SYT10: variants seen among roughly 807,000 people sequenced by gnomAD.
The protein encoded by SYT10 is synaptotagmin-10.
In SYT10, 31 loss-of-function variants were observed where a neutral mutation model predicts 51.1. That is an observed-to-expected ratio of 0.61 (90% CI 0.46 to 0.82). The LOEUF (loss-of-function observed/expected upper bound fraction) is 0.82. Among genes scored for constraint, SYT10 ranks in the 40% least tolerant of loss-of-function variants. The probability of loss-of-function intolerance (pLI) is 0.00; values close to 1 mark genes in which losing one functional copy is unlikely to be tolerated. For missense variants in SYT10, 603 were observed against 634.0 expected (o/e 0.95, Z 0.53); for synonymous variants, 233 against 225.9 (o/e 1.03, Z -0.28).
intron 1 of SYT10, 104 bp downstream of exon 1, chr12:33,439,268 T>C: frequency 1.4e-6 from 2 of 1,430,518 alleles, no homozygotes; most frequent in Non-Finnish European, 1.9e-6. Flanking sequence ...GCGCCCCAAA[T>C]ATGCCGCGGG....
intron 3 of SYT10, among the ~76,000 whole-genome samples, chr12:33,398,304 G>T (rs1314858501): frequency 2.6e-5 from 4 of 152,044 alleles, no homozygotes; most frequent in African/African-American, 9.7e-5. Flanking sequence ...ATGAGGTCAG[G>T]AGATCGAGAC....
intron 6 of SYT10, among the ~76,000 whole-genome samples, chr12:33,377,216 G>C (rs185947167): frequency 1.5e-3 from 235 of 151,988 alleles, no homozygotes; most frequent in African/African-American, 5.5e-3. Flanking sequence ...AAAATAAATG[G>C]TTTACTTTAG....
At chr12:33,405,173 A>C (rs986911945) in intron 3 of SYT10, 2 of 152,196 alleles carry the variant, frequency 1.3e-5, no homozygotes, top group Non-Finnish European at 2.9e-5. Flanking sequence ...AGCATGCCAA[A>C]CATATATAGG....
rs1866186575 is a variant in SYT10, at chr12:33,389,536, TA to T, written c.1078-4246del. Among the ~76,000 whole-genome samples the T allele has an allele frequency of 2.0e-5, 3 of 152,098 alleles. No individual in the cohort carries two copies. In the South Asian group the frequency reaches 6.2e-4, roughly 32 times the overall value. On this transcript the variant is annotated intron_variant, in intron 3 of 6. Coordinates refer to ENST00000228567, the MANE Select transcript of SYT10 (RefSeq NM_198992.4). Reference sequence around the variant, plus strand: ...GGCTAGATTAGGATGAAAAAAGACATAAGAGAAAGAGGCCATTGAAGTAAAG... The same window carrying T: ...GGCTAGATTAGGATGAAAAAAGACATAGAGAAAGAGGCCATTGAAGTAAAG...
At chr12:33,412,783 C>T (rs1162338568) in intron 2 of SYT10, among the ~76,000 whole-genome samples, 13 of 152,234 alleles carry the variant, frequency 8.5e-5, no homozygotes, top group South Asian at 4.2e-4. Flanking sequence ...GCACCTCTCC[C>T]GCTCCAAAGG....
At chr12:33,433,032 CTT>C (rs1274210754) in intron 1 of SYT10, among the ~76,000 whole-genome samples, 5 of 152,028 alleles carry the variant, frequency 3.3e-5, no homozygotes, top group African/African-American at 1.2e-4. Context: ...GCTCTTATAG[CTT>C]CAGTGACTAC....
chr12:33,400,353 A>G (rs1281379128), intron 3 of SYT10, among the ~76,000 whole-genome samples: 5 of 152,222 alleles, frequency 3.3e-5, no homozygotes, highest in Admixed American at 1.3e-4. Context: ...TGTTATTTCA[A>G]ACTGAAGCTC....
intron 3 of SYT10, chr12:33,405,248 A>G (rs1332894265): frequency 1.3e-5 from 2 of 152,146 alleles, no homozygotes; most frequent in African/African-American, 4.8e-5. Flanking sequence ...ATAATCTAAC[A>G]ATTAATTGCC....
chr12:33,416,372 C>T (rs979381056), intron 2 of SYT10, among the ~76,000 whole-genome samples: 1 of 152,102 alleles, frequency 6.6e-6, no homozygotes, highest in African/African-American at 2.4e-5. Context: ...TGTGAGCCAC[C>T]ACGCCCGGCC....
At chr12:33,407,561 A>G (rs1866369898) in intron 2 of SYT10, among the ~76,000 whole-genome samples, 1 of 152,246 alleles carries the variant, frequency 6.6e-6, no homozygotes, top group Non-Finnish European at 1.5e-5. Flanking sequence ...CTAAAATTCC[A>G]GAACATCTGA....
intron 4 of SYT10, among the ~76,000 whole-genome samples, chr12:33,383,293 A>AT (rs77485873): frequency 7.3e-5 from 11 of 151,412 alleles, no homozygotes; most frequent in South Asian, 2.1e-4. Context: ...TTTGCTATCA[A>AT]TTTTTTTTTC....
intron 3 of SYT10, among the ~76,000 whole-genome samples, chr12:33,387,045 A>G (rs1205924913): frequency 1.3e-5 from 2 of 152,194 alleles, no homozygotes; most frequent in African/African-American, 4.8e-5. Flanking sequence ...CATGCCTGGT[A>G]AGAAATTTGT....
chr12:33,420,490 AAAT>A, intron 2 of SYT10, among the ~76,000 whole-genome samples: 1 of 149,284 alleles, frequency 6.7e-6, no homozygotes, highest in East Asian at 3.1e-4. Flanking sequence ...CTAGAAAAAA[AAAT>A]AAAAAATAAT....
chr12:33,417,017 G>A (rs1866459988), intron 2 of SYT10, among the ~76,000 whole-genome samples: 1 of 152,078 alleles, frequency 6.6e-6, no homozygotes. Context: ...GAAGGTTTCT[G>A]CCATTTGCTT....
chr12:33,412,345 A>G (rs981993523), intron 2 of SYT10, among the ~76,000 whole-genome samples: 19 of 152,070 alleles, frequency 1.2e-4, no homozygotes, highest in Non-Finnish European at 8.8e-5. Context: ...AGTTAAGACA[A>G]GCTTTAATTA....
In SYT10 at chr12:33,407,304, C is replaced by T. The variant is rs1478173334; in HGVS notation, c.562G>A (p.Asp188Asn). The change falls in exon 3 of 7, where the codon GAT becomes AAT. Residue 188 changes from aspartate (D) to asparagine (N), a missense_variant. Asp to Asn is a conservative substitution (Grantham distance 23). Coordinates refer to ENST00000228567, the MANE Select transcript of SYT10 (RefSeq NM_198992.4). ...LPRQMQVSSV[D>N]FSMGTEPVLQ... is the part of the protein sequence containing the mutation. ...ACAGGTTCTGTGCCCATGCTAAAAT[C>T]AACACTGGAAACCTGCATTTGCCTC... The T allele has an allele frequency of 1.2e-6, 2 of 1,611,168 alleles. No homozygotes were observed.
At chr12:33,390,417 G>GAT (rs1440154988) in intron 3 of SYT10, among the ~76,000 whole-genome samples, 1 of 152,112 alleles carries the variant, frequency 6.6e-6, no homozygotes, top group East Asian at 1.9e-4. Context: ...AGGATTATCT[G>GAT]ATGTGTGGTG....
intron 2 of SYT10, among the ~76,000 whole-genome samples, chr12:33,409,343 A>G (rs1866386141): frequency 6.6e-6 from 1 of 151,520 alleles, no homozygotes; most frequent in African/African-American, 2.4e-5. Context: ...CAGGCTCCCA[A>G]GTAGCTGAGA....
chr12:33,410,927 T>C (rs1422277191), intron 2 of SYT10, among the ~76,000 whole-genome samples: 3 of 152,202 alleles, frequency 2.0e-5, no homozygotes, highest in South Asian at 4.1e-4. Flanking sequence ...AAAGCTAACA[T>C]AGGAGTACTT....
Sources: allele counts gnomAD v4.1 joint callset (sites outside exome capture counted in the v4.1 genomes callset), GRCh38; gene constraint gnomAD v4.1.1; transcripts MANE v1.5; gene names NCBI Gene and HGNC (gene_info 2026-07-23, HGNC 2026-07-21).